The following PITPNM3 variants were observed in gnomAD, a reference collection of about 807,000 sequenced individuals.
PITPNM3 encodes the protein membrane-associated phosphatidylinositol transfer protein 3.
In PITPNM3, 26 loss-of-function variants were observed where a neutral mutation model predicts 102.0. That is an observed-to-expected ratio of 0.25 (90% CI 0.19 to 0.35). The LOEUF (loss-of-function observed/expected upper bound fraction) is 0.35, where lower values mean the gene tolerates loss of function less well. Among genes scored for constraint, PITPNM3 ranks in the 10% least tolerant of loss-of-function variants. The pLI is 1.00. For synonymous variants in PITPNM3, 578 were observed against 558.6 expected, an observed-to-expected ratio of 1.03 and a Z score of -0.49; for missense variants, 1,083 against 1,346.1, an observed-to-expected ratio of 0.80 and a Z score of 3.06.
chr17:6,463,447 C>CAGGGCGGGAAGGAGGGAGGG (rs1904585028), intron 17 of PITPNM3, among the ~76,000 whole-genome samples: 1 of 133,820 alleles, frequency 7.5e-6, no homozygotes, highest in Admixed American at 7.3e-5. Context: ...AGGAGGGAGG[C>CAGGGCGGGAAGGAGGGAGGG]AGGGAGGGAA....
At chr17:6,504,507 C>T (rs886914180) in intron 3 of PITPNM3, among the ~76,000 whole-genome samples, 1 of 152,162 alleles carries the variant, frequency 6.6e-6, no homozygotes, top group Non-Finnish European at 1.5e-5. Flanking sequence ...GGGGTCATGG[C>T]CCCCGGGCTC....
At chr17:6,475,693 C>T (rs186587727) in intron 9 of PITPNM3, among the ~76,000 whole-genome samples, 24 of 152,322 alleles carry the variant, frequency 1.6e-4, no homozygotes, top group Admixed American at 7.2e-4. Context: ...CACCATCTGT[C>T]CCTACACCAG....
chr17:6,502,220 C>T (rs889522512), intron 4 of PITPNM3, among the ~76,000 whole-genome samples: 2 of 152,358 alleles, frequency 1.3e-5, no homozygotes, highest in Admixed American at 6.5e-5. Flanking sequence ...GAGACCAAGG[C>T]GGGCAGATCA....
At position 6,468,877 on chromosome 17, in the gene PITPNM3, C is replaced by T. The variant is rs2150722539; in HGVS notation, c.1774-536G>A. On this transcript the variant is annotated intron_variant, in intron 13 of 19. Transcript: ENST00000262483. The surrounding 1 kb of genome is among the most constrained non-coding windows in gnomAD (Gnocchi z 5.2). ...ATCCCTGCTGTCCCTCACAGCAGCA[C>T]TGACAGAGGACTTAGCCCATATGCT... Among the ~76,000 whole-genome samples the T allele has an allele frequency of 6.6e-6, 1 of 152,306 alleles. No individual in the cohort carries two copies. The highest frequency in any genetic ancestry group is 2.1e-4 in the South Asian group (1 of 4,828).
chr17:6,553,624 C>A (rs1365621958), intron 1 of PITPNM3, among the ~76,000 whole-genome samples: 1 of 152,210 alleles, frequency 6.6e-6, no homozygotes. Flanking sequence ...CGTGGGTGAT[C>A]TACTGGCCAG....
At position 6,488,216 on chromosome 17, in the gene PITPNM3, G is replaced by C. The variant is rs113624749; in HGVS notation, c.275-3924C>G. Among the ~76,000 whole-genome samples the C allele has an allele frequency of 6.2e-3, 938 of 152,258 alleles. 4 individuals carry two copies. The highest frequency in any genetic ancestry group is 9.9e-3 in the Non-Finnish European group (673 of 68,030). On this transcript the variant is annotated intron_variant, in intron 4 of 19. Coordinates refer to ENST00000262483, the MANE Select transcript of PITPNM3 (RefSeq NM_031220.4). ...GCCAGACATTCCTACCATGATAATTGGGGCCATTGGCTCTGACTCACCCAC... is the reference window on the plus strand; with the variant it reads ...GCCAGACATTCCTACCATGATAATTCGGGCCATTGGCTCTGACTCACCCAC...
chr17:6,488,761 G>A (rs940004889), intron 4 of PITPNM3, among the ~76,000 whole-genome samples: 6 of 152,156 alleles, frequency 3.9e-5, no homozygotes, highest in African/African-American at 1.4e-4. Flanking sequence ...AGCTGGCAGG[G>A]GGTCCTAAGG....
At chr17:6,543,013 AC>A (rs2150671421) in intron 1 of PITPNM3, among the ~76,000 whole-genome samples, 1 of 152,328 alleles carries the variant, frequency 6.6e-6, no homozygotes, top group Non-Finnish European at 1.5e-5. Context: ...GGCGTGAGCC[AC>A]CACACCCAGA....
At chr17:6,465,114 G>A (rs1328520741) in intron 14 of PITPNM3, among the ~76,000 whole-genome samples, 6 of 152,148 alleles carry the variant, frequency 3.9e-5, no homozygotes, top group African/African-American at 1.2e-4. Flanking sequence ...GTGCAATGGC[G>A]CAATCTCGGC....
rs1567665147 is a variant in PITPNM3 at position 6,472,536 on chromosome 17, C to T, written c.1429+121G>A. On this transcript the variant is annotated intron_variant, in intron 11 of 19. Coordinates refer to ENST00000262483, the MANE Select transcript of PITPNM3 (RefSeq NM_031220.4). This position sits in a 1 kb window ranked among gnomAD's most constrained non-coding sequence, Gnocchi z 4.1. ...TCTGAAGACAGAGGAGTCGGCTAAC[C>T]TTCTGTTCTCACAGCCCCTGCTCAG... 7.4e-7 allele frequency: 1 copy of T among 1,345,054 alleles called. No individual in the cohort carries two copies. The highest frequency in any genetic ancestry group is 1.0e-6 in the Non-Finnish European group (1 of 969,660). 83.3% of individuals were successfully genotyped at this position (1,345,054 alleles called of 1,614,324 possible). A position where few individuals can be genotyped will look rare whatever the true frequency, so the allele number is the denominator to read the frequency against.
intron 1 of PITPNM3, among the ~76,000 whole-genome samples, chr17:6,542,161 G>A (rs1417022661): frequency 6.6e-6 from 1 of 152,194 alleles, no homozygotes; most frequent in African/African-American, 2.4e-5. Context: ...GCTCCTCATG[G>A]GGGCCCTAGC....
rs552781462 is a variant in PITPNM3, at chr17:6,551,635, G to A, written c.22+4750C>T. 2.0e-5 allele frequency among the ~76,000 whole-genome samples: 3 copies of A among 152,164 alleles called. No homozygotes were observed. The South Asian group carries it at 6.2e-4, about 32-fold the overall frequency. On this transcript the variant is annotated intron_variant, in intron 1 of 19. Transcript: ENST00000262483. The stretch of plus-strand genomic sequence containing the variant: ...CATGCCTGTAATTCCAGTACTTTGG[G>A]AAGCCAAAGCAGGAAGGATTACTTG...
At chr17:6,501,447 C>T (rs1907170013) in intron 4 of PITPNM3, among the ~76,000 whole-genome samples, 1 of 152,180 alleles carries the variant, frequency 6.6e-6, no homozygotes, top group Admixed American at 6.5e-5. Context: ...CCTTCTCTAA[C>T]TCTCACCCAC....
At chr17:6,487,862 C>A (rs1181388634) in intron 4 of PITPNM3, among the ~76,000 whole-genome samples, 1 of 152,192 alleles carries the variant, frequency 6.6e-6, no homozygotes, top group African/African-American at 2.4e-5. Flanking sequence ...GAGCCTCAGG[C>A]CAGAGACTGG....
chr17:6,504,949 C>T (rs1028987385), intron 3 of PITPNM3, among the ~76,000 whole-genome samples: 8 of 151,962 alleles, frequency 5.3e-5, no homozygotes, highest in African/African-American at 1.2e-4. Context: ...CAGAGGTGGG[C>T]GGATCACCTG....
At chr17:6,508,167 C>G (rs1208375953) in intron 3 of PITPNM3, among the ~76,000 whole-genome samples, 1 of 152,146 alleles carries the variant, frequency 6.6e-6, no homozygotes, top group Non-Finnish European at 1.5e-5. Context: ...AACGCCAGTG[C>G]GCAAGCTTCA....
intron 3 of PITPNM3, 80 bp from the exon 4 acceptor site, chr17:6,503,654 G>T: frequency 1.3e-5 from 18 of 1,434,334 alleles, no homozygotes; most frequent in Non-Finnish European, 1.7e-5. Context: ...GCTGCTTGGA[G>T]CTGCCTCTGA....
intron 1 of PITPNM3, among the ~76,000 whole-genome samples, chr17:6,542,851 C>T (rs868562521): frequency 1.1e-4 from 16 of 152,194 alleles, no homozygotes; most frequent in African/African-American, 3.9e-4. Context: ...TCCTGAAGAC[C>T]CTCCTTCCAT....
intron 8 of PITPNM3, among the ~76,000 whole-genome samples, chr17:6,477,727 G>C (rs1264779436): frequency 2.6e-5 from 4 of 152,080 alleles, no homozygotes; most frequent in Admixed American, 2.0e-4. Context: ...TGTATTTTTA[G>C]TAGAGATGGG....
Sources: allele counts gnomAD v4.1 joint callset (sites outside exome capture counted in the v4.1 genomes callset), GRCh38; gene constraint gnomAD v4.1.1; non-coding constraint Gnocchi (gnomAD v3.1); transcripts MANE v1.5; gene names NCBI Gene and HGNC (gene_info 2026-07-23, HGNC 2026-07-21).